FRRS1L: variants seen among roughly 807,000 people sequenced by gnomAD.
FRRS1L encodes the protein ferric chelate reductase 1 like.
A neutral mutation model predicts 28.6 loss-of-function variants in FRRS1L; 22 were observed. That is an observed-to-expected ratio of 0.77 (90% CI 0.55 to 1.10). The LOEUF (loss-of-function observed/expected upper bound fraction) is 1.10. Among genes scored for constraint, FRRS1L ranks in the 50% least tolerant of loss-of-function variants. The pLI, the probability that FRRS1L is intolerant of heterozygous loss-of-function variation, is 0.00. For missense variants in FRRS1L, 380 were observed against 386.9 expected, an observed-to-expected ratio of 0.98 and a Z score of 0.15; for synonymous variants, 158 against 151.4, an observed-to-expected ratio of 1.04 and a Z score of -0.32.
chr9:109,147,135 C>T lies in FRRS1L; in HGVS notation c.378G>A (p.Arg126=). The change falls in exon 3 of 5, where the codon CGG becomes CGA. Residue 126 remains arginine, a synonymous_variant. Coordinates refer to ENST00000561981, the MANE Select transcript of FRRS1L (RefSeq NM_014334.4). ...AETCDYFLSY[R]MIGADVEFEL... is the part of the protein sequence containing the mutation. ...CAAATTCTACATCAGCCCCTATCAT[C>T]CGGTAGCTGAGGAAATAGTCACAGG... is the stretch of plus-strand genomic sequence containing the variant. 6.2e-7 allele frequency: 1 copy of T among 1,613,136 alleles called. No individual in the cohort carries two copies. The highest frequency in any genetic ancestry group is 1.3e-5 in the African/African-American group (1 of 75,028).
chr9:109,160,512 G>A (rs1039477169), intron 1 of FRRS1L, among the ~76,000 whole-genome samples: 4 of 152,246 alleles, frequency 2.6e-5, no homozygotes, highest in East Asian at 1.9e-4. Flanking sequence ...TCAGCCTCTC[G>A]TGTAGCTGGG....
intron 1 of FRRS1L, among the ~76,000 whole-genome samples, chr9:109,158,442 C>T (rs1419014069): frequency 6.6e-6 from 1 of 152,158 alleles, no homozygotes; most frequent in African/African-American, 2.4e-5. Flanking sequence ...AATTCACAAA[C>T]ACTTCCATGA....
chr9:109,149,486 G>A (rs781610951), intron 2 of FRRS1L, 150 bp downstream of exon 2: 8 of 584,634 alleles, frequency 1.4e-5, no homozygotes, highest in Admixed American at 6.3e-5. Flanking sequence ...ACTGAAAAGC[G>A]GGATGGCCGT....
At chr9:109,155,886 G>C (rs1831397781) in intron 1 of FRRS1L, among the ~76,000 whole-genome samples, 1 of 149,844 alleles carries the variant, frequency 6.7e-6, no homozygotes, top group South Asian at 2.1e-4. Flanking sequence ...GCACAACCCT[G>C]TGAATATACT....
intron 3 of FRRS1L, among the ~76,000 whole-genome samples, chr9:109,144,833 G>A (rs574148138): frequency 1.9e-4 from 29 of 151,350 alleles, no homozygotes; most frequent in Admixed American, 9.2e-4. Flanking sequence ...ACAGGCGCCC[G>A]CCACCACACC....
chr9:109,150,049 C>A (rs1156775389), intron 1 of FRRS1L: 2 of 202,972 alleles, frequency 9.9e-6, no homozygotes, highest in African/African-American at 4.6e-5. Flanking sequence ...ACGTTTAATA[C>A]AATATACATG....
At chr9:109,153,494 C>T (rs1320773266) in intron 1 of FRRS1L, among the ~76,000 whole-genome samples, 2 of 152,180 alleles carry the variant, frequency 1.3e-5, no homozygotes, top group Admixed American at 6.5e-5. Flanking sequence ...CAGACCTCAC[C>T]CTATGTGTCT....
At position 109,167,131 on chromosome 9, in the gene FRRS1L, C is replaced by A. The variant is rs1484367884; in HGVS notation, c.8G>T (p.Arg3Leu). MA[R>L]PPRQHPGVWA... Reference sequence around the variant, plus strand: ...GACCCCCGGGTGCTGCCGGGGCGGCCGCGCCATCCGTGCGCACAGATCCCG... The same window carrying A: ...GACCCCCGGGTGCTGCCGGGGCGGCAGCGCCATCCGTGCGCACAGATCCCG... The change falls in exon 1 of 5, where the codon CGG (arginine) becomes CTG (leucine). Residue 3 changes from arginine (R) to leucine (L), a missense_variant. By Grantham distance (102) the Arg-to-Leu change is moderately radical (BLOSUM62 -2). Transcript: ENST00000561981. 3.5e-6 allele frequency: 4 copies of A among 1,159,290 alleles called. 1 individual carries two copies. In the South Asian group the frequency reaches 1.1e-4, roughly 31 times the overall value. 71.8% of individuals were successfully genotyped at this position (1,159,290 alleles called of 1,614,324 possible).
At chr9:109,148,742 C>A (rs1315334300) in intron 2 of FRRS1L, among the ~76,000 whole-genome samples, 2 of 152,144 alleles carry the variant, frequency 1.3e-5, no homozygotes, top group Non-Finnish European at 2.9e-5. Flanking sequence ...AGTAAATGGA[C>A]AAGAAAACAA....
At chr9:109,166,030 C>T (rs937095906) in intron 1 of FRRS1L, among the ~76,000 whole-genome samples, 4 of 152,232 alleles carry the variant, frequency 2.6e-5, no homozygotes, top group Non-Finnish European at 5.9e-5. Flanking sequence ...TTGTTGTATA[C>T]AGCTGAACTT....
chr9:109,139,355 G>C (rs1831152952), intron 4 of FRRS1L: 1 of 152,198 alleles, frequency 6.6e-6, no homozygotes, highest in Non-Finnish European at 1.5e-5. Context: ...AGCAGGACCA[G>C]ATTTGGAGAA....
At chr9:109,166,320 CAT>C (rs1443572738) in intron 1 of FRRS1L, among the ~76,000 whole-genome samples, 13 of 152,142 alleles carry the variant, frequency 8.5e-5, no homozygotes, top group African/African-American at 2.7e-4. Flanking sequence ...GGGACCATAA[CAT>C]ATGTGGCGTC....
chr9:109,134,999 C>T lies in FRRS1L; in HGVS notation c.*2456G>A, dbSNP rs1179544035. 6.6e-6 allele frequency: 1 copy of T among 152,188 alleles called. No individual in the cohort carries two copies. The highest frequency in any genetic ancestry group is 6.5e-5 in the Admixed American group (1 of 15,280). The allele number at this position is 152,188 out of a possible 1,614,324, so 9.4% of individuals were successfully genotyped here. ...GAATCCTACCCAGTTCCATTATGCA[C>T]TTGATGTCATTTAATTTCTCCCCAT... On this transcript the variant is annotated 3_prime_UTR_variant, in exon 5 of 5. Coordinates refer to ENST00000561981, the MANE Select transcript of FRRS1L (RefSeq NM_014334.4).
At position 109,166,762 on chromosome 9, in the gene FRRS1L, C is replaced by A. The variant is rs1002841318; in HGVS notation, c.238+139G>T. The A allele has an allele frequency of 1.3e-5, 6 of 449,376 alleles. No individual in the cohort carries two copies. In the Admixed American group the frequency reaches 1.8e-4, roughly 14 times the overall value. The allele number at this position is 449,376 out of a possible 1,614,324, so 27.8% of individuals were successfully genotyped here. ...GGCACTGCGCTCCCCATCCTGGCCTCGCCTCTGCAAGAGCTGCCTCCACGG... is the reference window on the plus strand; with the variant it reads ...GGCACTGCGCTCCCCATCCTGGCCTAGCCTCTGCAAGAGCTGCCTCCACGG... On this transcript the variant is annotated intron_variant, in intron 1 of 4. Coordinates refer to ENST00000561981, the MANE Select transcript of FRRS1L (RefSeq NM_014334.4).
chr9:109,140,548 A>G (rs966017310), intron 4 of FRRS1L: 2 of 152,162 alleles, frequency 1.3e-5, no homozygotes, highest in African/African-American at 4.8e-5. Context: ...TAATTCCTAT[A>G]CACATAAATA....
At chr9:109,149,588 G>T in intron 2 of FRRS1L, 48 bp downstream of exon 2, 2 of 1,255,638 alleles carry the variant, frequency 1.6e-6, no homozygotes, top group Non-Finnish European at 2.3e-6. Context: ...ACCCTGAGAA[G>T]TAAATCAGTC....
intron 3 of FRRS1L, among the ~76,000 whole-genome samples, chr9:109,145,765 T>G (rs1831251201): frequency 6.6e-6 from 1 of 152,024 alleles, no homozygotes. Context: ...TCTGGATTGC[T>G]GAACAGATGG....
chr9:109,160,104 T>C (rs1831461486), intron 1 of FRRS1L, among the ~76,000 whole-genome samples: 1 of 152,226 alleles, frequency 6.6e-6, no homozygotes, highest in Non-Finnish European at 1.5e-5. Flanking sequence ...TTGTTATTTG[T>C]TTCCTTCTAC....
chr9:109,146,689 T>C (rs1206904323), intron 3 of FRRS1L, among the ~76,000 whole-genome samples: 3 of 152,184 alleles, frequency 2.0e-5, no homozygotes, highest in African/African-American at 4.8e-5. Flanking sequence ...ATCCAACTCA[T>C]GGACAGGCGT....
Sources: allele counts gnomAD v4.1 joint callset (sites outside exome capture counted in the v4.1 genomes callset), GRCh38; gene constraint gnomAD v4.1.1; transcripts MANE v1.5; gene names NCBI Gene and HGNC (gene_info 2026-07-23, HGNC 2026-07-21).